CSMD1: variants seen among roughly 807,000 people sequenced by gnomAD.
CSMD1 encodes CUB and Sushi multiple domains 1.
Under a neutral mutation model 417.5 loss-of-function variants are expected in CSMD1, and 213 were observed. The ratio of observed to expected loss-of-function variants is 0.51; its 90% CI spans 0.46 to 0.57. CSMD1 has a LOEUF of 0.57. Among genes scored for constraint, CSMD1 ranks in the 20% least tolerant of loss-of-function variants. The pLI is 0.00. For synonymous variants in CSMD1, 2,862 were observed against 1,736.8 expected, an observed-to-expected ratio of 1.65 and a Z score of -16.11; for missense variants, 6,923 against 4,529.7, an observed-to-expected ratio of 1.53 and a Z score of -15.17.
chr8:4,909,524 A>G (rs1471997167), intron 1 of CSMD1, among the ~76,000 whole-genome samples: 1 of 152,192 alleles, frequency 6.6e-6, no homozygotes, highest in East Asian at 1.9e-4. Flanking sequence ...TTCCTGATGT[A>G]GAAGGATCTA....
intron 1 of CSMD1, among the ~76,000 whole-genome samples, chr8:4,863,638 AG>A (rs773973056): frequency 3.9e-4 from 59 of 152,016 alleles, no homozygotes; most frequent in Non-Finnish European, 6.6e-4. Context: ...ATATCCACCC[AG>A]GGGACACAGC....
intron 54 of CSMD1, among the ~76,000 whole-genome samples, chr8:2,981,828 A>T (rs1241604176): frequency 6.6e-6 from 1 of 152,200 alleles, no homozygotes; most frequent in Non-Finnish European, 1.5e-5. Flanking sequence ...CTAGAAATAC[A>T]TAAGAATCAG....
chr8:3,724,927 T>G (rs185635909), intron 6 of CSMD1, among the ~76,000 whole-genome samples: 2 of 152,358 alleles, frequency 1.3e-5, no homozygotes, highest in East Asian at 3.9e-4. Flanking sequence ...TGCCCCACTA[T>G]GTACAAATTC....
intron 3 of CSMD1, among the ~76,000 whole-genome samples, chr8:4,374,538 C>G (rs1050519003): frequency 6.6e-6 from 1 of 152,026 alleles, no homozygotes; most frequent in Non-Finnish European, 1.5e-5. Flanking sequence ...AGAGGCTGGT[C>G]AGTCCCACTC....
intron 9 of CSMD1, 21 bp downstream of exon 9, chr8:3,586,115 T>C (rs563512481): frequency 2.2e-5 from 35 of 1,604,970 alleles, no homozygotes; most frequent in Non-Finnish European, 2.9e-5. Flanking sequence ...ATCCAGGCTT[T>C]ACCCACCGCA....
At chr8:3,056,270 T>G (rs10096618) in intron 49 of CSMD1, among the ~76,000 whole-genome samples, 22,699 of 152,210 alleles carry the variant, frequency 0.15, 2,037 homozygotes, top group African/African-American at 0.25. Context: ...TCTGAACCTT[T>G]AATACCACAA....
At chr8:4,115,179 C>A (rs773523110) in intron 3 of CSMD1, among the ~76,000 whole-genome samples, 1 of 152,164 alleles carries the variant, frequency 6.6e-6, no homozygotes, top group South Asian at 2.1e-4. Flanking sequence ...TCACAGCTAC[C>A]CCAGCCTTCA....
intron 5 of CSMD1, among the ~76,000 whole-genome samples, chr8:3,952,037 G>C (rs7004143): frequency 6.6e-6 from 1 of 152,110 alleles, no homozygotes; most frequent in Non-Finnish European, 1.5e-5. Context: ...AAAAGATACT[G>C]ACCTAGGTAA....
intron 7 of CSMD1, among the ~76,000 whole-genome samples, chr8:3,620,816 T>G (rs1802387422): frequency 6.6e-6 from 1 of 152,212 alleles, no homozygotes; most frequent in Non-Finnish European, 1.5e-5. Context: ...AGAGCTACCC[T>G]TTAAATAATT....
At chr8:3,286,456 G>T (rs1348574026) in intron 25 of CSMD1, among the ~76,000 whole-genome samples, 1 of 152,158 alleles carries the variant, frequency 6.6e-6, no homozygotes, top group African/African-American at 2.4e-5. Context: ...GTGTGAAAGT[G>T]TTCCTATTTC....
chr8:3,294,183 G>A (rs966080981), intron 25 of CSMD1, among the ~76,000 whole-genome samples: 1 of 152,134 alleles, frequency 6.6e-6, no homozygotes, highest in Non-Finnish European at 1.5e-5. Context: ...TCATTCCTCT[G>A]GAAGTTTTGT....
At chr8:4,064,310 G>C (rs763832398) in intron 3 of CSMD1, among the ~76,000 whole-genome samples, 8 of 152,108 alleles carry the variant, frequency 5.3e-5, no homozygotes, top group Admixed American at 3.9e-4. Context: ...ATGTTCCTGG[G>C]CTCCATATGG....
intron 3 of CSMD1, among the ~76,000 whole-genome samples, chr8:4,400,688 G>A (rs1425227401): frequency 6.6e-6 from 1 of 150,384 alleles, no homozygotes; most frequent in Non-Finnish European, 1.5e-5. Context: ...AGGCTAATTT[G>A]CCTTTTTTTT....
At chr8:3,268,351 T>G (rs1319687177) in intron 26 of CSMD1, among the ~76,000 whole-genome samples, 5 of 134,810 alleles carry the variant, frequency 3.7e-5, no homozygotes, top group African/African-American at 1.4e-4. Flanking sequence ...GGCTGGAGCG[T>G]GATCTCAGCT....
At chr8:4,277,739 A>G (rs1215641353) in intron 3 of CSMD1, among the ~76,000 whole-genome samples, 50 of 151,992 alleles carry the variant, frequency 3.3e-4, no homozygotes, top group Admixed American at 3.3e-3. Context: ...CCCATTCCCT[A>G]AATGTATTTT....
In CSMD1 at chr8:3,524,575, A is replaced by G. The variant is rs1374238912; in HGVS notation, c.1345-30849T>C. ...TGCACACACACATGCATACCCAGAC[A>G]CTTATGCACACACAAGGACACACAT... is the stretch of plus-strand genomic sequence containing the variant. On this transcript the variant is annotated intron_variant, in intron 10 of 69. Transcript: ENST00000635120. 3.5e-5 allele frequency among the ~76,000 whole-genome samples: 5 copies of G among 142,198 alleles called. No individual in the cohort carries two copies. The Admixed American group carries it at 3.8e-4, about 11-fold the overall frequency. 93.3% of individuals were successfully genotyped at this position (142,198 alleles called of 152,430 possible).
chr8:4,622,182 A>AG (rs1195702377), intron 2 of CSMD1, among the ~76,000 whole-genome samples: 1 of 151,854 alleles, frequency 6.6e-6, no homozygotes, highest in East Asian at 1.9e-4. Context: ...TAAAAAAAAA[A>AG]AAAAAGAATG....
intron 5 of CSMD1, among the ~76,000 whole-genome samples, chr8:3,799,675 T>A (rs2129071857): frequency 6.6e-6 from 1 of 152,084 alleles, no homozygotes; most frequent in East Asian, 1.9e-4. Flanking sequence ...AGGCAAATTT[T>A]GCTTCCTTAT....
At chr8:4,841,533 C>A (rs778755847) in intron 1 of CSMD1, among the ~76,000 whole-genome samples, 7 of 152,118 alleles carry the variant, frequency 4.6e-5, no homozygotes, top group Non-Finnish European at 1.0e-4. Context: ...AGTAATGTGT[C>A]ATACATAAAA....
Sources: gnomAD v4.1 joint callset for allele counts (sites outside exome capture counted in the v4.1 genomes callset) on GRCh38, gnomAD v4.1.1 for gene constraint, MANE v1.5 for transcripts, NCBI Gene and HGNC (gene_info 2026-07-23, HGNC 2026-07-21) for gene names.